The following NRG3 variants were observed in gnomAD, a reference collection of about 807,000 sequenced individuals.
NRG3 encodes pro-neuregulin-3, membrane-bound isoform.
In NRG3, 31 loss-of-function variants were observed where a neutral mutation model predicts 66.9. That is an observed-to-expected ratio of 0.46 (90% CI 0.35 to 0.63). The LOEUF is 0.63. Ranked by LOEUF, NRG3 falls within the 20% of genes least tolerant of loss-of-function variation. NRG3 has a pLI of 0.00. For missense variants in NRG3, 910 were observed against 878.9 expected (o/e 1.04, Z -0.45); for synonymous variants, 393 against 359.4 (o/e 1.09, Z -1.06).
At chr10:82,766,023 T>G (rs1280790794) in intron 3 of NRG3, among the ~76,000 whole-genome samples, 1 of 152,154 alleles carries the variant, frequency 6.6e-6, no homozygotes, top group Non-Finnish European at 1.5e-5. Flanking sequence ...TGCTTTGATG[T>G]GCCTATTTCT....
At chr10:81,894,632 A>C (rs565296182) in intron 1 of NRG3, among the ~76,000 whole-genome samples, 1 of 152,328 alleles carries the variant, frequency 6.6e-6, no homozygotes, top group African/African-American at 2.4e-5. Flanking sequence ...CTAATCAAAC[A>C]TAAAATAATT....
chr10:82,433,352 A>T (rs2089944700), intron 2 of NRG3, among the ~76,000 whole-genome samples: 1 of 152,040 alleles, frequency 6.6e-6, no homozygotes, highest in African/African-American at 2.4e-5. Flanking sequence ...TTCCTTGTAA[A>T]TTCTGGATAT....
At chr10:82,323,085 G>C (rs916628238) in intron 1 of NRG3, among the ~76,000 whole-genome samples, 5 of 152,164 alleles carry the variant, frequency 3.3e-5, no homozygotes, top group Non-Finnish European at 7.3e-5. Context: ...ATTACTGTGG[G>C]AAGTATTTCC....
At position 82,985,854 on chromosome 10, in the gene NRG3, A is replaced by C; in HGVS notation, c.*249A>C. ...GAATCCAATTTCGTTTAGTCCCAAC[A>C]CTGTCCTCTTTGGCTCTTAGAAGAT... is the stretch of plus-strand genomic sequence containing the variant. On this transcript the variant is annotated 3_prime_UTR_variant, in exon 9 of 9. Transcript: ENST00000372141. 2.4e-6 allele frequency: 1 copy of C among 410,252 alleles called. No individual in the cohort carries two copies. The highest frequency in any genetic ancestry group is 4.4e-6 in the Non-Finnish European group (1 of 229,748). 25.4% of individuals were successfully genotyped at this position (410,252 alleles called of 1,614,324 possible).
At chr10:82,898,532 A>C (rs1278814911) in intron 4 of NRG3, among the ~76,000 whole-genome samples, 1 of 151,950 alleles carries the variant, frequency 6.6e-6, no homozygotes, top group Non-Finnish European at 1.5e-5. Context: ...CTAGGCCCAA[A>C]ATTTGGAATG....
intron 3 of NRG3, among the ~76,000 whole-genome samples, chr10:82,760,771 C>A (rs995281142): frequency 5.3e-5 from 8 of 151,810 alleles, no homozygotes; most frequent in African/African-American, 1.9e-4. Context: ...ACAACTATAA[C>A]TAATTAGAAA....
intron 1 of NRG3, among the ~76,000 whole-genome samples, chr10:82,019,183 A>G (rs1421257674): frequency 6.6e-6 from 1 of 152,132 alleles, no homozygotes; most frequent in African/African-American, 2.4e-5. Context: ...TTCTGCATCT[A>G]TTGAGATAAT....
At chr10:82,106,680 AT>A (rs1329760761) in intron 1 of NRG3, among the ~76,000 whole-genome samples, 1 of 151,784 alleles carries the variant, frequency 6.6e-6, no homozygotes, top group East Asian at 2.0e-4. Context: ...TAATTTTTGT[AT>A]TTTGGGTAGA....
chr10:82,505,894 A>C (rs1844621460), intron 2 of NRG3, among the ~76,000 whole-genome samples: 1 of 152,336 alleles, frequency 6.6e-6, no homozygotes, highest in Admixed American at 6.5e-5. Flanking sequence ...ATTTTTAAGA[A>C]GAGTGCTACA....
intron 1 of NRG3, among the ~76,000 whole-genome samples, chr10:82,079,459 C>G (rs573657810): frequency 6.6e-6 from 1 of 152,306 alleles, no homozygotes; most frequent in Non-Finnish European, 1.5e-5. Flanking sequence ...ATATCCTCCA[C>G]CAAAGGGATA....
intron 2 of NRG3, among the ~76,000 whole-genome samples, chr10:82,547,812 A>T (rs2044028387): frequency 6.6e-6 from 1 of 152,142 alleles, no homozygotes; most frequent in Non-Finnish European, 1.5e-5. Flanking sequence ...AGTATTTCAC[A>T]GGGCACTTGG....
intron 2 of NRG3, among the ~76,000 whole-genome samples, chr10:82,399,100 A>G (rs2086909054): frequency 6.6e-6 from 1 of 152,224 alleles, no homozygotes; most frequent in Admixed American, 6.5e-5. Flanking sequence ...TCATTGTACT[A>G]TCTGGAATAC....
At chr10:82,913,775 A>G (rs1191724997) in intron 4 of NRG3, among the ~76,000 whole-genome samples, 1 of 152,188 alleles carries the variant, frequency 6.6e-6, no homozygotes, top group Admixed American at 6.5e-5. Context: ...AACATGATGC[A>G]TAATGTAGAG....
At position 82,649,459 on chromosome 10, in the gene NRG3, C is replaced by CT. The variant is rs71469930; in HGVS notation, c.954-89091dup. Among the ~76,000 whole-genome samples the CT allele has an allele frequency of 3.3e-3, 159 of 48,800 alleles. 13 individuals are homozygous for CT. Among genetic ancestry groups the CT allele is most frequent in the South Asian group, 7.8e-3 (5 of 638 alleles). The allele number at this position is 48,800 out of a possible 152,430, so 32.0% of individuals were successfully genotyped here. A position where few individuals can be genotyped will look rare whatever the true frequency, so the allele number is the denominator to read the frequency against. ...GCAGTATTGTGCTTTCTGGTGCAGGCTTTTTTTTTTTTTTTTTTTTTTTTT... is the reference window on the plus strand; with the variant it reads ...GCAGTATTGTGCTTTCTGGTGCAGGCTTTTTTTTTTTTTTTTTTTTTTTTTT... On this transcript the variant is annotated intron_variant, in intron 2 of 8. Coordinates refer to ENST00000372141, the MANE Select transcript of NRG3 (RefSeq NM_001010848.4).
At chr10:82,215,412 C>T (rs1434177432) in intron 1 of NRG3, among the ~76,000 whole-genome samples, 4 of 152,190 alleles carry the variant, frequency 2.6e-5, no homozygotes, top group Non-Finnish European at 5.9e-5. Context: ...AGAGGTCTCT[C>T]CTTCAGCCAC....
At chr10:82,171,818 T>C (rs2072638242) in intron 1 of NRG3, among the ~76,000 whole-genome samples, 1 of 152,134 alleles carries the variant, frequency 6.6e-6, no homozygotes, top group Admixed American at 6.6e-5. Flanking sequence ...AGAACAAGGA[T>C]ATCCCTTCCT....
chr10:81,928,537 C>T (rs1016711502), intron 1 of NRG3, among the ~76,000 whole-genome samples: 3 of 152,166 alleles, frequency 2.0e-5, no homozygotes, highest in African/African-American at 7.2e-5. Context: ...CATAAAAGCT[C>T]ATGGCTTATC....
At chr10:82,704,902 T>A (rs1443389890) in intron 2 of NRG3, among the ~76,000 whole-genome samples, 6 of 152,234 alleles carry the variant, frequency 3.9e-5, no homozygotes. Flanking sequence ...TAAAAGAATA[T>A]GCTCAGAATA....
chr10:82,853,574 G>T (rs1350053292), intron 3 of NRG3, among the ~76,000 whole-genome samples: 2 of 152,028 alleles, frequency 1.3e-5, no homozygotes, highest in African/African-American at 2.4e-5. Context: ...TGTAAAAGGG[G>T]TTGAGTTTTT....
Sources: allele counts gnomAD v4.1 joint callset (sites outside exome capture counted in the v4.1 genomes callset), GRCh38; gene constraint gnomAD v4.1.1; transcripts MANE v1.5; gene names NCBI Gene and HGNC (gene_info 2026-07-23, HGNC 2026-07-21).